NAV1: variants seen among roughly 807,000 people sequenced by gnomAD.
The protein encoded by NAV1 is pore membrane and/or filament interacting like protein 3.
A neutral mutation model predicts 175.2 loss-of-function variants in NAV1; 18 were observed. The ratio of observed to expected loss-of-function variants is 0.10; its 90% CI spans 0.07 to 0.15. The LOEUF (loss-of-function observed/expected upper bound fraction) is 0.15, where lower values mean the gene tolerates loss of function less well. Ranked by LOEUF, NAV1 falls within the 10% of genes least tolerant of loss-of-function variation. The probability of loss-of-function intolerance (pLI) is 1.00; values close to 1 mark genes in which losing one functional copy is unlikely to be tolerated. For synonymous variants in NAV1, 897 were observed against 978.7 expected, an observed-to-expected ratio of 0.92 and a Z score of 1.56; for missense variants, 1,731 against 2,436.6, an observed-to-expected ratio of 0.71 and a Z score of 6.10.
chr1:201,788,534 C>G lies in NAV1; in HGVS notation c.3062C>G (p.Ala1021Gly), dbSNP rs1163856436. ...AACAGCATCCCCACCCACGAGGCGG[C>G]CTTCGAGCTGTACAGCGGCTCCCAA... Residue 1021 changes from alanine to glycine, a missense_variant, in exon 10 of 30, where the codon GCC becomes GGC. Physicochemically the swap from Ala to Gly is moderately conservative, Grantham distance 60. Coordinates refer to ENST00000367296, the Ensembl canonical transcript of NAV1. The surrounding 1 kb of genome is among the most constrained non-coding windows in gnomAD (Gnocchi z 5.7). The G allele has an allele frequency of 1.9e-6, 3 of 1,614,184 alleles. No individual in the cohort carries two copies. The highest frequency in any genetic ancestry group is 1.7e-5 in the Admixed American group (1 of 60,022).
chr1:201,805,158 C>A (rs767054700), intron 17 of NAV1, among the ~76,000 whole-genome samples: 1 of 152,134 alleles, frequency 6.6e-6, no homozygotes, highest in Non-Finnish European at 1.5e-5. Context: ...CTAACCCTAC[C>A]CCAACATTGT....
At chr1:201,611,999 C>A (rs1439516912) in intron 2 of NAV1, among the ~76,000 whole-genome samples, 1 of 151,916 alleles carries the variant, frequency 6.6e-6, no homozygotes, top group African/African-American at 2.4e-5. Flanking sequence ...CTGTGTGTCT[C>A]TGTGTGAATG....
At chr1:201,794,525 G>C (rs774137589) in exon 15 of NAV1, 3 of 1,613,764 alleles carry the variant, frequency 1.9e-6, no homozygotes, top group Non-Finnish European at 2.5e-6. Flanking sequence ...AGAACTCTGA[G>C]GCCCAGGCAG....
At chr1:201,767,274 A>C (rs1339218870) in intron 3 of NAV1, among the ~76,000 whole-genome samples, 1 of 151,062 alleles carries the variant, frequency 6.6e-6, no homozygotes, top group Admixed American at 6.6e-5. Flanking sequence ...AATGTGGTGA[A>C]ACCCTGTCTC....
chr1:201,711,394 C>G (rs973301688), intron 1 of NAV1, among the ~76,000 whole-genome samples: 1 of 151,670 alleles, frequency 6.6e-6, no homozygotes, highest in Non-Finnish European at 1.5e-5. Context: ...CACCCAGCCT[C>G]CCCTCCCTGA....
intron 1 of NAV1, among the ~76,000 whole-genome samples, chr1:201,546,757 A>G (rs1665684287): frequency 6.6e-6 from 1 of 151,640 alleles, no homozygotes; most frequent in Non-Finnish European, 1.5e-5. Flanking sequence ...TACAAAAATT[A>G]GCTGGGCATG....
chr1:201,636,695 TGA>T (rs145987514), intron 2 of NAV1, among the ~76,000 whole-genome samples: 3,436 of 151,960 alleles, frequency 0.023, 127 homozygotes, highest in African/African-American at 0.078. Flanking sequence ...GAGAAGGAAA[TGA>T]GAGTGTCCTG....
At chr1:201,768,333 G>GGAAAAAAA (rs544063010) in intron 3 of NAV1, among the ~76,000 whole-genome samples, 1 of 105,674 alleles carries the variant, frequency 9.5e-6, no homozygotes, top group Non-Finnish European at 1.9e-5. Context: ...CCGTCTCAGA[G>GGAAAAAAA]AAAAAAAAAA....
chr1:201,614,016 C>T (rs12082149), intron 2 of NAV1, among the ~76,000 whole-genome samples: 13 of 129,494 alleles, frequency 1.0e-4, no homozygotes, highest in Non-Finnish European at 1.6e-4. Context: ...ATTTGTACAA[C>T]GGTCTGAGGG....
intron 2 of NAV1, among the ~76,000 whole-genome samples, chr1:201,591,327 C>G (rs1398302121): frequency 6.6e-6 from 1 of 152,150 alleles, no homozygotes; most frequent in Non-Finnish European, 1.5e-5. Context: ...CACCCCTTAG[C>G]AGTGACAGGT....
chr1:201,597,687 G>A (rs909664053), intron 2 of NAV1, among the ~76,000 whole-genome samples: 3 of 152,334 alleles, frequency 2.0e-5, no homozygotes, highest in East Asian at 3.9e-4. Flanking sequence ...CAGGAGCCGG[G>A]TTTCCTCCCT....
At chr1:201,770,083 C>T (rs1454966337) in intron 3 of NAV1, among the ~76,000 whole-genome samples, 1 of 152,206 alleles carries the variant, frequency 6.6e-6, no homozygotes, top group African/African-American at 2.4e-5. Context: ...CTTGGCTATT[C>T]AAGTTCCATG....
upstream of NAV1, among the ~76,000 whole-genome samples, chr1:201,618,944 C>G (rs554222663): frequency 6.6e-6 from 1 of 152,118 alleles, no homozygotes; most frequent in South Asian, 2.1e-4. Context: ...GCTAAAATAA[C>G]TCACTGTTTG....
intron 2 of NAV1, among the ~76,000 whole-genome samples, chr1:201,600,999 C>T (rs1003131271): frequency 6.6e-6 from 1 of 152,220 alleles, no homozygotes; most frequent in Non-Finnish European, 1.5e-5. Context: ...TCCAGGTTGT[C>T]TCCTGCTCTG....
At chr1:201,679,049 G>A (rs529071719) in intron 1 of NAV1, among the ~76,000 whole-genome samples, 7 of 152,002 alleles carry the variant, frequency 4.6e-5, no homozygotes, top group South Asian at 4.2e-4. Flanking sequence ...GCTATTTACT[G>A]GGGGGGAGAC....
At chr1:201,729,218 G>A (rs1356644236) in intron 3 of NAV1, among the ~76,000 whole-genome samples, 4 of 152,258 alleles carry the variant, frequency 2.6e-5, no homozygotes, top group African/African-American at 9.6e-5. Context: ...AAGAACACAA[G>A]TTTGGAAGTA....
chr1:201,539,543 G>A lies in NAV1; in HGVS notation c.-144+201G>A, dbSNP rs1303430238. Among the ~76,000 whole-genome samples the A allele has an allele frequency of 1.3e-5, 2 of 152,136 alleles. No homozygotes were observed. Among genetic ancestry groups the A allele is most frequent in the Non-Finnish European group, 2.9e-5 (2 of 68,026 alleles). ...CAACCAAGATGCTCGCGGCTTCCCG[G>A]GAAGGTGTGTGCCCTTTCGACCCCT... On this transcript the variant is annotated intron_variant, in intron 1 of 33. Transcript: ENST00000685211. The surrounding 1 kb of genome is among the most constrained non-coding windows in gnomAD (Gnocchi z 5.6).
Position 201,808,797 on chromosome 1 carries a change from C to G in NAV1, c.4133C>G (p.Ser1378Cys). ...ACTCCAGGGCAGGTCCCTGGATCAT[C>G]TGCATTATCTTCCCCACGCCGCTCC... Residue 1378 changes from serine (S) to cysteine (C), a missense_variant, in exon 20 of 30, where the codon TCT (serine) becomes TGT (cysteine). By Grantham distance (112) the Ser-to-Cys change is moderately radical. Coordinates refer to ENST00000367296, the Ensembl canonical transcript of NAV1. The surrounding 1 kb of genome is among the most constrained non-coding windows in gnomAD (Gnocchi z 5.5). The G allele has an allele frequency of 6.2e-7, 1 of 1,614,194 alleles. No homozygotes were observed.
At position 201,590,039 on chromosome 1, in the gene NAV1, C is replaced by T. The variant is rs575502328; in HGVS notation, c.-33+1390C>T. ...TCCAGAGTGGCTGGGATTACAGGTG[C>T]GCACCATCATACCCAGCCAATTTTT... On this transcript the variant is annotated intron_variant, in intron 2 of 33. Transcript: ENST00000685211. 2.6e-3 allele frequency among the ~76,000 whole-genome samples: 393 copies of T among 152,244 alleles called. 1 individual carries two copies. The highest frequency in any genetic ancestry group is 9.1e-3 in the African/African-American group (376 of 41,538).
Sources: gnomAD v4.1 joint callset for allele counts (sites outside exome capture counted in the v4.1 genomes callset) on GRCh38, gnomAD v4.1.1 for gene constraint, Gnocchi (gnomAD v3.1) non-coding constraint, MANE v1.5 for transcripts, NCBI Gene and HGNC (gene_info 2026-07-23, HGNC 2026-07-21) for gene names.